Variants in ITGB3 observed in about 807,000 individuals in gnomAD.
ITGB3 encodes integrin subunit beta 3.
A neutral mutation model predicts 85.8 loss-of-function variants in ITGB3; 48 were observed. The ratio of observed to expected loss-of-function variants is 0.56; its 90% CI spans 0.44 to 0.71. The LOEUF is 0.71. ITGB3 is among the 30% of genes least tolerant of loss of function. The probability of loss-of-function intolerance (pLI) is 0.00; values close to 1 mark genes in which losing one functional copy is unlikely to be tolerated. For missense variants in ITGB3, 861 were observed against 1,019.1 expected, an observed-to-expected ratio of 0.84 and a Z score of 2.11; for synonymous variants, 363 against 395.6, an observed-to-expected ratio of 0.92 and a Z score of 0.98.
chr17:47,303,102 T>G (rs1002747850), intron 13 of ITGB3, among the ~76,000 whole-genome samples: 2 of 151,928 alleles, frequency 1.3e-5, no homozygotes, highest in African/African-American at 4.8e-5. Flanking sequence ...ACAAAAACAT[T>G]AGCCGGGCAT....
chr17:47,300,482 T>C lies in ITGB3; in HGVS notation c.1918T>C (p.Cys640Arg). Residue 640 changes from cysteine (C) to arginine (R), a missense_variant, in exon 12 of 15, where the codon TGT (cysteine) becomes CGT (arginine). By Grantham distance (180) the Cys-to-Arg change is radical. Transcript: ENST00000559488. The stretch of plus-strand genomic sequence containing the variant: ...ACTGTGTCCTCTCTCCTTCAGAGAA[T>C]GTGTGGAGTGTAAGAAGTTTGACCG... ...CPDACTFKKE[C>R]VECKKFDRGA... 6.2e-7 allele frequency: 1 copy of C among 1,612,736 alleles called. No individual in the cohort carries two copies. Among genetic ancestry groups the C allele is most frequent in the Non-Finnish European group, 8.5e-7 (1 of 1,178,726 alleles).
Position 47,312,888 on chromosome 17 carries a change from C to T in ITGB3, c.*2684C>T, listed in dbSNP as rs551627135. Among the ~76,000 whole-genome samples the T allele has an allele frequency of 1.3e-5, 2 of 152,184 alleles. No individual in the cohort carries two copies. The highest frequency in any genetic ancestry group is 6.5e-5 in the Admixed American group (1 of 15,296). On this transcript the variant is annotated 3_prime_UTR_variant, in exon 15 of 15. Transcript: ENST00000559488. Reference sequence around the variant, plus strand: ...TATGTCCAGTCTCAGGATCTGTGGACAATAACGGAAAACTTTGAATATTCC... The same window carrying T: ...TATGTCCAGTCTCAGGATCTGTGGATAATAACGGAAAACTTTGAATATTCC...
In ITGB3 at chr17:47,312,928, A is replaced by G. The variant is rs1224050192; in HGVS notation, c.*2724A>G. Among the ~76,000 whole-genome samples the G allele has an allele frequency of 2.0e-5, 3 of 152,156 alleles. No individual in the cohort carries two copies. Among genetic ancestry groups the G allele is most frequent in the African/African-American group, 7.2e-5 (3 of 41,440 alleles). On this transcript the variant is annotated 3_prime_UTR_variant, in exon 15 of 15. Coordinates refer to ENST00000559488, the MANE Select transcript of ITGB3 (RefSeq NM_000212.3). ...TTGAATATTCCTGACAAGTTGCCAT[A>G]TTAGGAGTCAGTTCTTTACTTCTCT...
chr17:47,272,775 CCTTT>C (rs1340475141), intron 1 of ITGB3, among the ~76,000 whole-genome samples: 3 of 71,600 alleles, frequency 4.2e-5, no homozygotes, highest in African/African-American at 1.9e-4. Context: ...TTCTTTCTTT[CCTTT>C]TTTTTCTTTT....
chr17:47,268,237 A>C (rs984715063), intron 1 of ITGB3, among the ~76,000 whole-genome samples: 13 of 152,124 alleles, frequency 8.5e-5, no homozygotes, highest in African/African-American at 3.1e-4. Context: ...CACACTGCCA[A>C]ACCATATCAT....
At chr17:47,261,599 A>C (rs947177444) in intron 1 of ITGB3, among the ~76,000 whole-genome samples, 5 of 148,038 alleles carry the variant, frequency 3.4e-5, no homozygotes, top group African/African-American at 1.3e-4. Flanking sequence ...AGCTCACTGC[A>C]ACCTCCGCCT....
Position 47,292,460 on chromosome 17 carries a change from C to T in ITGB3, c.1582C>T (p.Leu528Phe). The change falls in exon 10 of 15, where the codon CTC becomes TTC. Residue 528 changes from leucine (L) to phenylalanine (F), a missense_variant. By Grantham distance (22) the Leu-to-Phe change is conservative (BLOSUM62 0). Transcript: ENST00000559488. ...CGTCTGCAGCCAGCGGGGCGAGTGC[C>T]TCTGTGGTCAATGTGTCTGCCACAG... is the stretch of plus-strand genomic sequence containing the variant. ...QPVCSQRGEC[L>F]CGQCVCHSSD... The T allele has an allele frequency of 6.2e-7, 1 of 1,610,278 alleles. No homozygotes were observed. Among genetic ancestry groups the T allele is most frequent in the Non-Finnish European group, 8.5e-7 (1 of 1,177,572 alleles).
At chr17:47,274,781 T>C (rs1033687603) in intron 2 of ITGB3, among the ~76,000 whole-genome samples, 6 of 152,182 alleles carry the variant, frequency 3.9e-5, no homozygotes, top group Non-Finnish European at 8.8e-5. Flanking sequence ...TTCTCACACT[T>C]TGCTTGCTTT....
chr17:47,275,405 T>G (rs1598685388), intron 2 of ITGB3, among the ~76,000 whole-genome samples: 1 of 149,094 alleles, frequency 6.7e-6, no homozygotes, highest in African/African-American at 2.5e-5. Flanking sequence ...GGGGTGGGGG[T>G]GGAAGATGAA....
Position 47,313,490 on chromosome 17 carries a change from G to A in ITGB3, c.*3286G>A, listed in dbSNP as rs2065224523. On this transcript the variant is annotated 3_prime_UTR_variant, in exon 15 of 15. Transcript: ENST00000559488. ...GCCTCCCGAGTAGCTGGGATTACAG[G>A]CACCTGCCACCACGCCCGGCTAATT... Among the ~76,000 whole-genome samples the A allele has an allele frequency of 6.6e-6, 1 of 151,624 alleles. No homozygotes were observed. Among genetic ancestry groups the A allele is most frequent in the African/African-American group, 2.4e-5 (1 of 41,242 alleles).
intron 11 of ITGB3, 128 bp from the exon 12 acceptor site, chr17:47,300,350 T>A: frequency 1.4e-6 from 1 of 710,880 alleles, no homozygotes; most frequent in Admixed American, 2.0e-5. Flanking sequence ...CGCGCGCGTG[T>A]GTGTGTGTGT....
intron 10 of ITGB3, 95 bp downstream of exon 10, chr17:47,292,663 T>C: frequency 7.6e-7 from 1 of 1,308,496 alleles, no homozygotes; most frequent in South Asian, 1.2e-5. Flanking sequence ...AGATGGGTCT[T>C]TGCAGGCAGA....
intron 4 of ITGB3, among the ~76,000 whole-genome samples, chr17:47,285,127 A>T (rs2065098002): frequency 6.6e-6 from 1 of 152,228 alleles, no homozygotes; most frequent in East Asian, 1.9e-4. Flanking sequence ...AAGGAATATA[A>T]AAGAGTGGAA....
At chr17:47,283,640 G>C (rs893480054) in intron 3 of ITGB3, 91 bp downstream of exon 3, 4 of 1,252,112 alleles carry the variant, frequency 3.2e-6, no homozygotes, top group Non-Finnish European at 4.6e-6. Flanking sequence ...TGGGGAAGTA[G>C]CTCAGAATGG....
chr17:47,261,678 C>T (rs1318525772), intron 1 of ITGB3, among the ~76,000 whole-genome samples: 1 of 152,142 alleles, frequency 6.6e-6, no homozygotes, highest in Non-Finnish European at 1.5e-5. Context: ...TGCCACCACG[C>T]CCAGCTAATT....
chr17:47,296,273 G>A (rs1442002605), intron 10 of ITGB3, among the ~76,000 whole-genome samples: 1 of 152,130 alleles, frequency 6.6e-6, no homozygotes, highest in Admixed American at 6.5e-5. Flanking sequence ...TTCTTTCCAT[G>A]CCCAGCCCAT....
At position 47,282,198 on chromosome 17, in the gene ITGB3, C is replaced by T. The variant is rs965789486; in HGVS notation, c.166-1156C>T. On this transcript the variant is annotated intron_variant, in intron 2 of 14. Transcript: ENST00000559488. ...TCCTGACCTCAGGTGATCTGCCCAC[C>T]TCAGCCTCCCAAAGTGCTAGGATTA... 3.9e-5 allele frequency among the ~76,000 whole-genome samples: 6 copies of T among 152,186 alleles called. No individual in the cohort carries two copies. The East Asian group carries it at 9.7e-4, about 25-fold the overall frequency.
At chr17:47,295,987 T>A (rs943013759) in intron 10 of ITGB3, among the ~76,000 whole-genome samples, 45 of 152,216 alleles carry the variant, frequency 3.0e-4, no homozygotes, top group African/African-American at 1.1e-3. Context: ...GTGGTGCCAT[T>A]CACGTAGGAT....
intron 1 of ITGB3, among the ~76,000 whole-genome samples, chr17:47,272,300 G>A (rs1248100077): frequency 6.8e-6 from 1 of 146,728 alleles, no homozygotes; most frequent in African/African-American, 2.5e-5. Context: ...GTGATCCGCC[G>A]GTCTCGGCCT....
Sources: allele counts gnomAD v4.1 joint callset (sites outside exome capture counted in the v4.1 genomes callset), GRCh38; gene constraint gnomAD v4.1.1; transcripts MANE v1.5; gene names NCBI Gene and HGNC (gene_info 2026-07-23, HGNC 2026-07-21).